TENT5D: variants seen among roughly 807,000 people sequenced by gnomAD.
TENT5D encodes the protein cancer/testis antigen 112.
For synonymous variants in TENT5D, 103 were observed against 100.6 expected, an observed-to-expected ratio of 1.02 and a Z score of -0.15; for missense variants, 191 against 287.0, an observed-to-expected ratio of 0.67 and a Z score of 2.42.
At chrX:80,434,051 C>T (rs773309282) in intron 1 of TENT5D, among the ~76,000 whole-genome samples, 1 of 108,866 alleles carries the variant, frequency 9.2e-6, no homozygotes, top group Non-Finnish European at 1.9e-5. Flanking sequence ...GCAGGAGAAT[C>T]GCTTGAACCT....
chrX:80,418,927 C>A (rs1419607512), upstream of TENT5D, among the ~76,000 whole-genome samples: 1 of 111,148 alleles, frequency 9.0e-6, no homozygotes, highest in African/African-American at 3.3e-5. Context: ...CTACTTAAAA[C>A]CCCTCCTCCA....
intron 1 of TENT5D, among the ~76,000 whole-genome samples, chrX:80,430,554 G>A (rs1233391687): frequency 1.8e-5 from 2 of 111,598 alleles, no homozygotes; most frequent in African/African-American, 6.5e-5. Context: ...ATCTTGCAAG[G>A]CAAAGAAAGC....
intron 3 of TENT5D, among the ~76,000 whole-genome samples, chrX:80,362,356 G>A (rs1404141762): frequency 1.8e-5 from 2 of 110,765 alleles, no homozygotes; most frequent in Non-Finnish European, 3.8e-5. Context: ...ATAGAGACGA[G>A]GTTTCACCAT....
chrX:80,431,312 G>A (rs1157585961), intron 1 of TENT5D, among the ~76,000 whole-genome samples: 2 of 111,080 alleles, frequency 1.8e-5, no homozygotes, highest in Non-Finnish European at 3.8e-5. Context: ...GAAAAAATTG[G>A]GGGAACTAGA....
intron 3 of TENT5D, among the ~76,000 whole-genome samples, chrX:80,375,787 G>T (rs67879406): frequency 0.097 from 10,770 of 110,996 alleles, 523 homozygotes; most frequent in African/African-American, 0.18. Context: ...GACAAATAAT[G>T]TGAAAACTCA....
chrX:80,444,138 T>C (rs1412027850), exon 3 of TENT5D: 1 of 129,039 alleles, frequency 7.7e-6, no homozygotes. Context: ...AGTTCCTTTG[T>C]TACATTTAGT....
chrX:80,356,454 G>T (rs1002651899), intron 3 of TENT5D, among the ~76,000 whole-genome samples: 1 of 111,432 alleles, frequency 9.0e-6, no homozygotes, highest in East Asian at 2.8e-4. Context: ...ATCAATTTTG[G>T]TGCTAGTAAA....
chrX:80,371,582 G>A (rs754889924), intron 3 of TENT5D, among the ~76,000 whole-genome samples: 14 of 111,903 alleles, frequency 1.3e-4, no homozygotes, highest in Admixed American at 4.7e-4. Context: ...AGATCTTCCC[G>A]CAGCTTCTCC....
At chrX:80,346,359 T>A (rs1930060889) in intron 3 of TENT5D, among the ~76,000 whole-genome samples, 1 of 112,060 alleles carries the variant, frequency 8.9e-6, no homozygotes, top group Admixed American at 9.5e-5. Context: ...AACAGCCAGG[T>A]GTGAGATTGC....
At chrX:80,393,489 A>G (rs1388449843) in intron 3 of TENT5D, among the ~76,000 whole-genome samples, 1 of 111,603 alleles carries the variant, frequency 9.0e-6, no homozygotes, top group Admixed American at 9.6e-5. Flanking sequence ...ATTTTTTAAT[A>G]CAATGTGGGA....
At chrX:80,443,364 A>T in exon 3 of TENT5D, 1 of 1,211,145 alleles carries the variant, frequency 8.3e-7, no homozygotes, top group Non-Finnish European at 1.1e-6. Context: ...ATATAGAAGA[A>T]CAGCAAAAGA....
intron 3 of TENT5D, among the ~76,000 whole-genome samples, chrX:80,383,071 G>T (rs896477514): frequency 8.9e-6 from 1 of 111,991 alleles, no homozygotes; most frequent in African/African-American, 3.2e-5. Flanking sequence ...CCCATCTTCT[G>T]CATCGATCAC....
upstream of TENT5D, among the ~76,000 whole-genome samples, chrX:80,418,011 T>C (rs1931809865): frequency 9.0e-6 from 1 of 111,643 alleles, no homozygotes; most frequent in African/African-American, 3.3e-5. Flanking sequence ...TATACTTCTT[T>C]AATATTTTTA....
At chrX:80,445,274 G>T (rs1932363336) in exon 3 of TENT5D, 2 of 122,565 alleles carry the variant, frequency 1.6e-5, no homozygotes, top group African/African-American at 3.3e-5. Flanking sequence ...TCTTGACAAA[G>T]AATTTGTAAT....
At chrX:80,367,979 T>A (rs927428861) in intron 3 of TENT5D, among the ~76,000 whole-genome samples, 2 of 111,294 alleles carry the variant, frequency 1.8e-5, no homozygotes, top group Non-Finnish European at 3.8e-5. Context: ...CATTTAAAAA[T>A]AACTAAAAGA....
At chrX:80,357,730 C>G (rs1219139156) in intron 3 of TENT5D, among the ~76,000 whole-genome samples, 2 of 110,985 alleles carry the variant, frequency 1.8e-5, no homozygotes, top group Non-Finnish European at 3.8e-5. Context: ...TCAAAATGAC[C>G]ATACTGCCCA....
chrX:80,407,164 C>T (rs1334872403), intron 3 of TENT5D, among the ~76,000 whole-genome samples: 4 of 108,538 alleles, frequency 3.7e-5, no homozygotes, highest in Non-Finnish European at 5.7e-5. Flanking sequence ...ATGTAAAGAC[C>T]ATCGAGACTA....
intron 1 of TENT5D, among the ~76,000 whole-genome samples, chrX:80,436,329 C>T (rs761388911): frequency 9.0e-5 from 10 of 110,974 alleles, no homozygotes; most frequent in South Asian, 3.8e-4. Context: ...GAGAAAACTG[C>T]AAAATATCAA....
At chrX:80,428,003 A>G (rs1219469971) in intron 1 of TENT5D, among the ~76,000 whole-genome samples, 5 of 112,677 alleles carry the variant, frequency 4.4e-5, no homozygotes, top group East Asian at 2.8e-4. Flanking sequence ...TTAAAAATAT[A>G]CCTATAACTT....
Sources: allele counts gnomAD v4.1 joint callset (sites outside exome capture counted in the v4.1 genomes callset), GRCh38; gene constraint gnomAD v4.1.1; transcripts MANE v1.5; gene names NCBI Gene and HGNC (gene_info 2026-07-23, HGNC 2026-07-21).